ATG4B: variants seen among roughly 807,000 people sequenced by gnomAD.
ATG4B encodes cysteine protease ATG4B.
In ATG4B, 29 loss-of-function variants were observed where a neutral mutation model predicts 56.6. The observed-to-expected ratio is 0.51, with a 90% CI of 0.38 to 0.70. The LOEUF is 0.70. Ranked by LOEUF, ATG4B falls within the 30% of genes least tolerant of loss-of-function variation. ATG4B has a pLI of 0.00. For synonymous variants in ATG4B, 224 were observed against 206.1 expected, an observed-to-expected ratio of 1.09 and a Z score of -0.74; for missense variants, 461 against 515.5, an observed-to-expected ratio of 0.89 and a Z score of 1.02.
intron 1 of ATG4B, among the ~76,000 whole-genome samples, chr2:241,639,008 A>C (rs1429974602): frequency 6.6e-6 from 1 of 152,176 alleles, no homozygotes; most frequent in Admixed American, 6.5e-5. Context: ...GCTTGGGTCC[A>C]GGCTCGCCGC....
At chr2:241,670,582 A>G (rs1342734001) in intron 10 of ATG4B, 144 bp from the exon 11 acceptor site, 15 of 792,268 alleles carry the variant, frequency 1.9e-5, no homozygotes, top group Non-Finnish European at 2.5e-5. Flanking sequence ...GTTCCTGGCC[A>G]CAGGAGCCAA....
Position 241,668,152 on chromosome 2 carries a change from A to C in ATG4B, c.742A>C (p.Met248Leu). ...AYVETLKHCF[M>L]MPQSLGVIGG... ...CCCCGCCCCTCCACAGCACTGCTTC[A>C]TGATGCCCCAGTCCCTGGGCGTCAT... The change falls in exon 9 of 13, where the codon ATG (methionine) becomes CTG (leucine). Residue 248 changes from methionine to leucine, a missense_variant. Physicochemically the swap from Met to Leu is conservative, Grantham distance 15. Coordinates refer to ENST00000404914, the MANE Select transcript of ATG4B (RefSeq NM_013325.5). The surrounding 1 kb of genome is among the most constrained non-coding windows in gnomAD (Gnocchi z 4.2). The C allele has an allele frequency of 6.2e-7, 1 of 1,601,846 alleles. No individual in the cohort carries two copies. The highest frequency in any genetic ancestry group is 8.5e-7 in the Non-Finnish European group (1 of 1,174,850).
chr2:241,673,202 T>G lies in ATG4B; in HGVS notation c.*938T>G, dbSNP rs938811645. 2.2e-5 allele frequency: 6 copies of G among 267,742 alleles called. No individual in the cohort carries two copies. Among genetic ancestry groups the G allele is most frequent in the Non-Finnish European group, 3.7e-5 (5 of 133,596 alleles). 16.6% of individuals were successfully genotyped at this position (267,742 alleles called of 1,614,324 possible). A position where few individuals can be genotyped will look rare whatever the true frequency, so the allele number is the denominator to read the frequency against. On this transcript the variant is annotated 3_prime_UTR_variant, in exon 13 of 13. Coordinates refer to ENST00000404914, the MANE Select transcript of ATG4B (RefSeq NM_013325.5). The stretch of plus-strand genomic sequence containing the variant: ...CCAAAAGGGGAAAACCACTTGAGTC[T>G]TGTGGTGTGTGGTGGGCAGACACCA...
intron 1 of ATG4B, among the ~76,000 whole-genome samples, chr2:241,643,698 C>A (rs962549061): frequency 8.0e-6 from 1 of 125,644 alleles, no homozygotes; most frequent in Non-Finnish European, 1.6e-5. Flanking sequence ...ATATTTTCCC[C>A]CCCCCCCGTC....
intron 10 of ATG4B, among the ~76,000 whole-genome samples, chr2:241,669,332 G>C (rs1047678258): frequency 6.6e-6 from 1 of 152,152 alleles, no homozygotes; most frequent in Admixed American, 6.5e-5. Flanking sequence ...CCGAATCGGG[G>C]GCTCTGTTGT....
intron 1 of ATG4B, among the ~76,000 whole-genome samples, chr2:241,638,019 G>T (rs1480657537): frequency 6.6e-6 from 1 of 151,580 alleles, no homozygotes; most frequent in Non-Finnish European, 1.5e-5. Context: ...ACAGGCCCTT[G>T]CGCCAGGTCG....
Position 241,670,776 on chromosome 2 carries a change from C to G in ATG4B, c.1008C>G (p.Val336=). 6.2e-7 allele frequency: 1 copy of G among 1,609,494 alleles called. No individual in the cohort carries two copies. Residue 336 remains valine, a synonymous_variant, in exon 11 of 13, where the codon GTC becomes GTG. Transcript: ENST00000404914. ...ACTTCAATGATTGGTGCCAGCAAGT[C>G]AAAAAGGTTTGTAGCCGCCCCACAC... ...EDDFNDWCQQ[V]KKLSLLGGAL...
intron 1 of ATG4B, 132 bp from the exon 2 acceptor site, chr2:241,650,878 C>T (rs1339688624): frequency 1.2e-5 from 9 of 735,782 alleles, no homozygotes; most frequent in Non-Finnish European, 1.8e-5. Flanking sequence ...GCCCGAGATA[C>T]GAGAGGGAGT....
In ATG4B at chr2:241,653,620, A is replaced by G. The variant is rs973162147; in HGVS notation, c.283+10A>G. On this transcript the variant is annotated intron_variant, in intron 4 of 12. Transcript: ENST00000404914. ...CGGCACCTAGGCCGAGGTGAGTCAC[A>G]GCCCTGGGGAGGGCGCATGGCCACG... 3.9e-5 allele frequency: 61 copies of G among 1,558,502 alleles called. No individual in the cohort carries two copies. Among genetic ancestry groups the G allele is most frequent in the Non-Finnish European group, 5.0e-5 (58 of 1,150,748 alleles).
rs776470963 is a variant in ATG4B at position 241,651,014 on chromosome 2, T to C, written c.15T>C (p.Thr5=). ...GTGCATCTTTGGTTTCAACAGCTAC[T>C]CTGACCTACGACACTCTCCGGTTTG... MDAA[T]LTYDTLRFAE... The change falls in exon 2 of 13, where the codon ACT becomes ACC. Residue 5 remains threonine, a synonymous_variant. Transcript: ENST00000404914. The surrounding 1 kb of genome is among the most constrained non-coding windows in gnomAD (Gnocchi z 4.1). 6.2e-6 allele frequency: 10 copies of C among 1,613,294 alleles called. No homozygotes were observed. In the African/African-American group the frequency reaches 9.3e-5, roughly 15 times the overall value.
intron 1 of ATG4B, among the ~76,000 whole-genome samples, chr2:241,649,045 CTGT>C (rs939631182): frequency 1.4e-4 from 22 of 152,324 alleles, no homozygotes; most frequent in Non-Finnish European, 2.9e-4. Context: ...TGAGGCTGTC[CTGT>C]TGTTATCCCA....
intron 1 of ATG4B, among the ~76,000 whole-genome samples, chr2:241,644,383 T>G (rs2068000421): frequency 1.3e-5 from 2 of 152,058 alleles, no homozygotes; most frequent in Non-Finnish European, 2.9e-5. Flanking sequence ...AATCATCGTG[T>G]TGGTCGATCT....
chr2:241,651,175 A>G lies in ATG4B; in HGVS notation c.112+64A>G. 2.6e-6 allele frequency: 4 copies of G among 1,561,470 alleles called. No individual in the cohort carries two copies. The highest frequency in any genetic ancestry group is 3.5e-6 in the Non-Finnish European group (4 of 1,145,118). ...TGGCCTGCAGAAGCATTTTGTGATC[A>G]CTGTTCTCTGCTAACTCTGCCATAA... On this transcript the variant is annotated intron_variant, in intron 2 of 12. Coordinates refer to ENST00000404914, the MANE Select transcript of ATG4B (RefSeq NM_013325.5). This position sits in a 1 kb window ranked among gnomAD's most constrained non-coding sequence, Gnocchi z 4.1.
intron 6 of ATG4B, 187 bp downstream of exon 6, chr2:241,655,530 A>C: frequency 1.6e-6 from 1 of 628,394 alleles, no homozygotes. Flanking sequence ...TTTTCTAACA[A>C]AATGAACACC....
chr2:241,663,239 C>A (rs950914102), intron 7 of ATG4B, among the ~76,000 whole-genome samples: 25 of 151,974 alleles, frequency 1.6e-4, no homozygotes, highest in African/African-American at 5.8e-4. Flanking sequence ...TCTCAAAAAA[C>A]CAAAACAACA....
At chr2:241,669,743 A>G (rs112582511) in intron 10 of ATG4B, among the ~76,000 whole-genome samples, 29,953 of 151,994 alleles carry the variant, frequency 0.2, 3,266 homozygotes, top group East Asian at 0.27. Flanking sequence ...TCCTGACCTC[A>G]TGATCCACCC....
chr2:241,646,808 A>T (rs376456474), intron 1 of ATG4B, among the ~76,000 whole-genome samples: 112 of 138,786 alleles, frequency 8.1e-4, no homozygotes, highest in African/African-American at 2.9e-3. Flanking sequence ...TTTGAGACAG[A>T]GTTTCACTCT....
chr2:241,667,341 C>T (rs911121950), intron 8 of ATG4B, among the ~76,000 whole-genome samples: 2 of 152,102 alleles, frequency 1.3e-5, no homozygotes, highest in African/African-American at 4.8e-5. Context: ...AGCGGTGGCT[C>T]ATGACTGTAA....
intron 1 of ATG4B, among the ~76,000 whole-genome samples, chr2:241,642,209 A>C (rs1302010566): frequency 6.7e-6 from 1 of 149,318 alleles, no homozygotes; most frequent in Admixed American, 6.7e-5. Flanking sequence ...TCTGTTTCCC[A>C]GGCTGGAGTG....
Sources: gnomAD v4.1 joint callset for allele counts (sites outside exome capture counted in the v4.1 genomes callset) on GRCh38, gnomAD v4.1.1 for gene constraint, Gnocchi (gnomAD v3.1) non-coding constraint, MANE v1.5 for transcripts, NCBI Gene and HGNC (gene_info 2026-07-23, HGNC 2026-07-21) for gene names.